Variants in CA10 observed in about 807,000 individuals in gnomAD.
CA10 encodes the protein carbonic anhydrase-related protein 10.
In CA10, 14 loss-of-function variants were observed where a neutral mutation model predicts 44.2. The observed-to-expected ratio is 0.32, with a 90% CI of 0.21 to 0.50. CA10 has a LOEUF of 0.50. CA10 is among the 20% of genes least tolerant of loss of function. The pLI, the probability that CA10 is intolerant of heterozygous loss-of-function variation, is 0.99. For missense variants in CA10, 350 were observed against 409.7 expected, an observed-to-expected ratio of 0.85 and a Z score of 1.26; for synonymous variants, 159 against 141.6, an observed-to-expected ratio of 1.12 and a Z score of -0.87.
At chr17:52,074,672 C>T (rs1003306489) in intron 1 of CA10, among the ~76,000 whole-genome samples, 3 of 152,000 alleles carry the variant, frequency 2.0e-5, no homozygotes, top group African/African-American at 7.3e-5. Flanking sequence ...ACAGTGTTTA[C>T]ACATCACTTT....
intron 3 of CA10, among the ~76,000 whole-genome samples, chr17:51,881,614 G>A (rs1980380746): frequency 6.6e-6 from 1 of 152,058 alleles, no homozygotes; most frequent in Admixed American, 6.5e-5. Flanking sequence ...AAAGAACGGG[G>A]ATATGTATAG....
At chr17:51,917,363 G>T (rs1283199313) in intron 3 of CA10, among the ~76,000 whole-genome samples, 1 of 105,980 alleles carries the variant, frequency 9.4e-6, no homozygotes, top group African/African-American at 2.6e-5. Context: ...ACTGAAGGCT[G>T]CCTCCCTAGA....
intron 1 of CA10, among the ~76,000 whole-genome samples, chr17:52,146,266 T>A (rs1292675459): frequency 2.0e-5 from 3 of 151,610 alleles, no homozygotes; most frequent in Non-Finnish European, 2.9e-5. Context: ...AAAAAAAAAA[T>A]AAGATGTGGC....
chr17:51,971,778 A>G (rs1412627077), intron 2 of CA10, among the ~76,000 whole-genome samples: 2 of 151,684 alleles, frequency 1.3e-5, no homozygotes, highest in Non-Finnish European at 2.9e-5. Flanking sequence ...ACTTATACAT[A>G]AAATAAAGAT....
chr17:51,925,427 C>CA (rs551887990), intron 3 of CA10, among the ~76,000 whole-genome samples: 1,309 of 117,412 alleles, frequency 0.011, 7 homozygotes, highest in Middle Eastern at 0.028. Context: ...AAATAAATAA[C>CA]AAAAAAAAAA....
intron 4 of CA10, among the ~76,000 whole-genome samples, chr17:51,687,811 C>G (rs994738766): frequency 1.3e-5 from 2 of 152,258 alleles, no homozygotes; most frequent in African/African-American, 4.8e-5. Context: ...AAAATAAAAA[C>G]TGTGATAACC....
At chr17:52,076,605 T>G (rs1437366037) in intron 1 of CA10, among the ~76,000 whole-genome samples, 1 of 152,204 alleles carries the variant, frequency 6.6e-6, no homozygotes, top group Non-Finnish European at 1.5e-5. Context: ...TTATGTAATG[T>G]TTTCAAATTC....
At chr17:52,074,038 T>A (rs895608546) in intron 1 of CA10, among the ~76,000 whole-genome samples, 2 of 152,180 alleles carry the variant, frequency 1.3e-5, no homozygotes, top group African/African-American at 4.8e-5. Flanking sequence ...TGATTCTTCC[T>A]CTGGGTCTTG....
chr17:51,929,018 T>C (rs1982543140), intron 3 of CA10, among the ~76,000 whole-genome samples: 1 of 152,164 alleles, frequency 6.6e-6, no homozygotes, highest in Non-Finnish European at 1.5e-5. Flanking sequence ...AAAGTAAATG[T>C]TGCCAAGATT....
chr17:51,932,004 G>A (rs903628497), intron 2 of CA10, among the ~76,000 whole-genome samples: 1 of 152,098 alleles, frequency 6.6e-6, no homozygotes, highest in African/African-American at 2.4e-5. Flanking sequence ...CTGGATCCAT[G>A]TGTCCTTCAG....
chr17:52,057,374 T>A (rs1252744726), intron 2 of CA10, among the ~76,000 whole-genome samples: 2 of 152,136 alleles, frequency 1.3e-5, no homozygotes, highest in African/African-American at 4.8e-5. Flanking sequence ...ATCTTTATTA[T>A]GATCCACTTC....
chr17:51,683,804 T>G (rs1203263613), intron 4 of CA10, among the ~76,000 whole-genome samples: 1 of 152,156 alleles, frequency 6.6e-6, no homozygotes, highest in African/African-American at 2.4e-5. Context: ...TGGCAGCCAG[T>G]GCTCCACTGG....
intron 2 of CA10, among the ~76,000 whole-genome samples, chr17:52,002,865 C>A (rs1158427793): frequency 1.3e-5 from 2 of 151,760 alleles, no homozygotes; most frequent in Non-Finnish European, 2.9e-5. Context: ...AAAGTTGTGA[C>A]TGAGAAGTTT....
At chr17:51,667,188 A>G (rs1597973058) in intron 4 of CA10, among the ~76,000 whole-genome samples, 1 of 152,162 alleles carries the variant, frequency 6.6e-6, no homozygotes, top group Non-Finnish European at 1.5e-5. Context: ...GGAATGCACC[A>G]CATTGAAAAA....
chr17:51,991,486 A>G (rs1402448631), intron 2 of CA10, among the ~76,000 whole-genome samples: 1 of 152,142 alleles, frequency 6.6e-6, no homozygotes, highest in East Asian at 1.9e-4. Flanking sequence ...CATTTACTAC[A>G]ATGCCAGGAA....
chr17:51,757,604 T>G (rs1208675406), intron 3 of CA10, among the ~76,000 whole-genome samples: 3 of 152,232 alleles, frequency 2.0e-5, no homozygotes, highest in Non-Finnish European at 4.4e-5. Context: ...GAATACTGAC[T>G]CAAAGTTAGA....
intron 1 of CA10, among the ~76,000 whole-genome samples, chr17:52,117,286 G>A (rs1007351517): frequency 6.6e-6 from 1 of 152,158 alleles, no homozygotes; most frequent in Admixed American, 6.5e-5. Context: ...TCCATTTTGG[G>A]AGAAACCTCT....
At chr17:51,928,466 G>A (rs747490107) in intron 3 of CA10, among the ~76,000 whole-genome samples, 2 of 152,122 alleles carry the variant, frequency 1.3e-5, no homozygotes, top group African/African-American at 4.8e-5. Flanking sequence ...TGAGCCCAAT[G>A]TCAGGTCAAA....
At position 51,991,529 on chromosome 17, in the gene CA10, G is replaced by A. The variant is rs1174729421; in HGVS notation, c.137-60397C>T. On this transcript the variant is annotated intron_variant, in intron 2 of 8. Coordinates refer to ENST00000451037, the MANE Select transcript of CA10 (RefSeq NM_020178.5). The stretch of plus-strand genomic sequence containing the variant: ...GTGCTTAATAAATGCCTTTTGTTAA[G>A]CCAAACGTGGTGGCTCACACCTGTA... 2.6e-5 allele frequency among the ~76,000 whole-genome samples: 4 copies of A among 152,104 alleles called. No individual in the cohort carries two copies. In the East Asian group the frequency reaches 7.7e-4, roughly 29 times the overall value.
Sources: allele counts gnomAD v4.1 joint callset (sites outside exome capture counted in the v4.1 genomes callset), GRCh38; gene constraint gnomAD v4.1.1; transcripts MANE v1.5; gene names NCBI Gene and HGNC (gene_info 2026-07-23, HGNC 2026-07-21).